RAET1G: variants seen among roughly 807,000 people sequenced by gnomAD.
RAET1G encodes the protein UL-16 binding protein 5.
Under a neutral mutation model 29.5 loss-of-function variants are expected in RAET1G, and 25 were observed. The ratio of observed to expected loss-of-function variants is 0.85; its 90% CI spans 0.62 to 1.18. The LOEUF is 1.18. Ranked by LOEUF, RAET1G falls within the 50% of genes most tolerant of loss-of-function variation. RAET1G has a pLI of 0.00. For missense variants in RAET1G, 434 were observed against 423.6 expected (o/e 1.02, Z -0.22); for synonymous variants, 167 against 159.5 (o/e 1.05, Z -0.36).
At chr6:149,922,700 C>T (rs1294595748) in intron 1 of RAET1G, among the ~76,000 whole-genome samples, 1 of 152,212 alleles carries the variant, frequency 6.6e-6, no homozygotes, top group Non-Finnish European at 1.5e-5. Flanking sequence ...CTCCACTCTC[C>T]GGGGGTTCCT....
In RAET1G at chr6:149,921,585, C is replaced by T. The variant is rs74743389; in HGVS notation, c.85+1341G>A. On this transcript the variant is annotated intron_variant, in intron 1 of 4. Coordinates refer to ENST00000367360, the MANE Select transcript of RAET1G (RefSeq NM_001001788.4). ...GGGAAGCTGCACAAGCAGTTGGCCC[C>T]GATTCCCAGGACACCACGTGGCTGC... Among the ~76,000 whole-genome samples, 1,231 of 152,268 alleles carry T rather than the reference C, an allele frequency of 8.1e-3. 26 individuals carry two copies. The highest frequency in any genetic ancestry group is 0.029 in the African/African-American group (1,187 of 41,532).
chr6:149,918,592 A>C (rs1387797593), intron 3 of RAET1G: 3 of 654,724 alleles, frequency 4.6e-6, no homozygotes, highest in East Asian at 5.5e-5. Flanking sequence ...TGAGGGAAGC[A>C]AGGTGACAGC....
At chr6:149,917,248 C>T (rs1349299183) in intron 4 of RAET1G, among the ~76,000 whole-genome samples, 174 bp from the exon 5 acceptor site, 2 of 152,228 alleles carry the variant, frequency 1.3e-5, no homozygotes, top group East Asian at 3.8e-4. Context: ...CACAGGGAGA[C>T]GTTTAGGCCT....
chr6:149,922,964 A>G lies in RAET1G; in HGVS notation c.47T>C (p.Leu16Pro), dbSNP rs748627913. The change falls in exon 1 of 5, where the codon CTG becomes CCG. Residue 16 changes from leucine (L) to proline (P), a missense_variant. Transcript: ENST00000367360. ...CCTGCACCAGCTGGACAGCAGGAGC[A>G]GAAGCGGGAGGCGTAGAAGGAACGC... ...SPAFLLRLPL[L>P]LLLSSWCRTG... 1.9e-6 allele frequency: 3 copies of G among 1,605,916 alleles called. No individual in the cohort carries two copies. The highest frequency in any genetic ancestry group is 2.2e-5 in the South Asian group (2 of 88,996).
intron 1 of RAET1G, among the ~76,000 whole-genome samples, chr6:149,921,677 G>A (rs779742841): frequency 1.3e-5 from 2 of 152,122 alleles, no homozygotes; most frequent in Non-Finnish European, 2.9e-5. Context: ...GTGGACCATA[G>A]ATGCCACTCA....
intron 3 of RAET1G, 125 bp downstream of exon 3, chr6:149,918,918 C>G (rs1031492915): frequency 3.3e-6 from 5 of 1,501,384 alleles, no homozygotes; most frequent in Non-Finnish European, 4.5e-6. Flanking sequence ...AGGAGCACCC[C>G]ACGAGGAGGT....
At position 149,918,399 on chromosome 6, in the gene RAET1G, C is replaced by G; in HGVS notation, c.632-15G>C. The G allele has an allele frequency of 6.2e-7, 1 of 1,612,854 alleles. No homozygotes were observed. Among genetic ancestry groups the G allele is most frequent in the Non-Finnish European group, 8.5e-7 (1 of 1,178,904 alleles). On this transcript the variant is annotated splice_polypyrimidine_tract_variant and intron_variant, in intron 3 of 4. Transcript: ENST00000367360. ...GGTGGGTGGTGCTGAAATGGAAGCA[C>G]AAGAGTGACAACCCTTGTCCAGGCC... is the stretch of plus-strand genomic sequence containing the variant.
rs758201335 is a variant in RAET1G, at chr6:149,918,339, G to T, written c.677C>A (p.Ala226Asp). The T allele has an allele frequency of 1.3e-5, 21 of 1,614,098 alleles. No homozygotes were observed. Among genetic ancestry groups the T allele is most frequent in the Non-Finnish European group, 1.7e-5 (20 of 1,179,982 alleles). The change falls in exon 4 of 5, where the codon GCC becomes GAC. Residue 226 changes from alanine (A) to aspartate (D), a missense_variant. Coordinates refer to ENST00000367360, the MANE Select transcript of RAET1G (RefSeq NM_001001788.4). ...GAGGCAGCAAAGGATGAGGGTGGTGGCCGTGGCCCTGGGTTGGGCTGTGCC... is the reference window on the plus strand; with the variant it reads ...GAGGCAGCAAAGGATGAGGGTGGTGTCCGTGGCCCTGGGTTGGGCTGTGCC... ...SSGTAQPRAT[A>D]TTLILCCLLI...
intron 1 of RAET1G, among the ~76,000 whole-genome samples, chr6:149,921,812 AC>A (rs2114658393): frequency 6.6e-6 from 1 of 152,212 alleles, no homozygotes; most frequent in African/African-American, 2.4e-5. Flanking sequence ...CTGAGACACC[AC>A]TTGGAGATGA....
intron 3 of RAET1G, 78 bp from the exon 4 acceptor site, chr6:149,918,462 C>T (rs1778505975): frequency 6.8e-7 from 1 of 1,475,624 alleles, no homozygotes; most frequent in African/African-American, 1.4e-5. Context: ...TCCTGCTGAC[C>T]CAGGTCATCC....
At position 149,919,097 on chromosome 6, in the gene RAET1G, A is replaced by G. The variant is rs140472946; in HGVS notation, c.577T>C (p.Trp193Arg). ...HYISMGDCTG[W>R]LEDFLMGMDS... ...ATGCCCATCAAGAAGTCCTCAAGCC[A>G]TCCTGTGCAGTCTCCCATTGAGATG... Residue 193 changes from tryptophan (W) to arginine (R), a missense_variant, in exon 3 of 5, where the codon TGG (tryptophan) becomes CGG (arginine). By Grantham distance (101) the Trp-to-Arg change is moderately radical (BLOSUM62 -3). Coordinates refer to ENST00000367360, the MANE Select transcript of RAET1G (RefSeq NM_001001788.4). 7.5e-5 allele frequency: 121 copies of G among 1,614,176 alleles called. No homozygotes were observed. In the African/African-American group the frequency reaches 1.4e-3, roughly 19 times the overall value.
chr6:149,918,942 A>G (rs1018966588), intron 3 of RAET1G, 101 bp downstream of exon 3: 7 of 1,559,462 alleles, frequency 4.5e-6, no homozygotes, highest in Non-Finnish European at 6.1e-6. Context: ...TTTAACATAA[A>G]CGTGTACACT....
rs112663522 is a variant in RAET1G, at chr6:149,916,976, G to A, written c.941C>T (p.Ala314Val). 5.2e-6 allele frequency: 8 copies of A among 1,550,396 alleles called. No individual in the cohort carries two copies. In the African/African-American group the frequency reaches 5.5e-5, roughly 11 times the overall value. ...TGCGCCGTTATTTATTGTATACAAG[G>A]CAAGAGGGCAGGGTAAGGAGTGTGA... Reference protein sequence around the residue: ...DDSHSLPCPLALYTINNGAAR... With the variant: ...DDSHSLPCPLVLYTINNGAAR... Residue 314 changes from alanine (A) to valine (V), a missense_variant, in exon 5 of 5, where the codon GCC becomes GTC. Transcript: ENST00000367360.
In RAET1G at chr6:149,923,000, G is replaced by C; in HGVS notation, c.11C>G (p.Ala4Gly). The C allele has an allele frequency of 6.2e-7, 1 of 1,602,678 alleles. No individual in the cohort carries two copies. The highest frequency in any genetic ancestry group is 1.1e-5 in the South Asian group (1 of 88,560). Residue 4 changes from alanine (A) to glycine (G), a missense_variant, in exon 1 of 5, where the codon GCC (alanine) becomes GGC (glycine). Coordinates refer to ENST00000367360, the MANE Select transcript of RAET1G (RefSeq NM_001001788.4). ...GCGTAGAAGGAACGCGGGGCTGGCG[G>C]CCGCTGCCATTGGGGAGTTGGATCG... MAAAASPAFLLRLP... is the reference protein window; with the variant it reads MAAGASPAFLLRLP...
intron 3 of RAET1G, 55 bp from the exon 4 acceptor site, chr6:149,918,439 A>T (rs915968719): frequency 1.9e-6 from 3 of 1,547,376 alleles, no homozygotes; most frequent in Non-Finnish European, 2.7e-6. Context: ...ATCTGAGGAG[A>T]TGCCTCCTCA....
intron 1 of RAET1G, 137 bp from the exon 2 acceptor site, chr6:149,919,953 T>C: frequency 6.4e-7 from 1 of 1,568,684 alleles, no homozygotes; most frequent in Non-Finnish European, 8.6e-7. Flanking sequence ...AGAACTGTGG[T>C]GTCCACAAGA....
At chr6:149,920,735 G>C (rs1582801347) in intron 1 of RAET1G, among the ~76,000 whole-genome samples, 2 of 152,184 alleles carry the variant, frequency 1.3e-5, no homozygotes, top group East Asian at 3.8e-4. Context: ...AATGATTAGA[G>C]AAGTCACAAT....
rs1205118716 is a variant in RAET1G at position 149,918,160 on chromosome 6, T to C, written c.842+14A>G. 1.9e-6 allele frequency: 3 copies of C among 1,612,352 alleles called. No homozygotes were observed. Among genetic ancestry groups the C allele is most frequent in the South Asian group, 2.2e-5 (2 of 91,010 alleles). On this transcript the variant is annotated intron_variant, in intron 4 of 4. Transcript: ENST00000367360. ...CACCTGCCCTTTGCTCCACTCCCAA[T>C]TCTGCCCCCATACCTGTCACTCCAA...
rs771929453 is a variant in RAET1G at position 149,923,051 on chromosome 6, GC to G, written c.-42del. The G allele has an allele frequency of 2.0e-5, 29 of 1,466,176 alleles. No homozygotes were observed. In the African/African-American group the frequency reaches 3.9e-4, roughly 20 times the overall value. The allele number at this position is 1,466,176 out of a possible 1,614,324, so 90.8% of individuals were successfully genotyped here. ...CAGGGGACAGCAGAAGCGAAGCCCAGCCCGTGGATCACCTGGCGGCTCGCAG... is the reference window on the plus strand; with the variant it reads ...CAGGGGACAGCAGAAGCGAAGCCCAGCCGTGGATCACCTGGCGGCTCGCAG... On this transcript the variant is annotated 5_prime_UTR_variant, in exon 1 of 5. Coordinates refer to ENST00000367360, the MANE Select transcript of RAET1G (RefSeq NM_001001788.4).
Sources: allele counts gnomAD v4.1 joint callset (sites outside exome capture counted in the v4.1 genomes callset), GRCh38; gene constraint gnomAD v4.1.1; transcripts MANE v1.5; gene names NCBI Gene and HGNC (gene_info 2026-07-23, HGNC 2026-07-21).